The following MDFIC2 variants were observed in gnomAD, a reference collection of about 807,000 sequenced individuals.
MDFIC2 encodes MyoD family inhibitor domain containing 2.
At position 70,196,615 on chromosome 3, in the gene MDFIC2, G is replaced by A. The variant is rs1701183494; in HGVS notation, c.*311C>T. Among the ~76,000 whole-genome samples the A allele has an allele frequency of 2.0e-5, 3 of 152,106 alleles. No homozygotes were observed. Among genetic ancestry groups the A allele is most frequent in the African/African-American group, 4.8e-5 (2 of 41,412 alleles). ...AATGCAAGCTGATGAGTGCAATAACGCAGTGGCTTAACATGCTATTTTATA... is the reference window on the plus strand; with the variant it reads ...AATGCAAGCTGATGAGTGCAATAACACAGTGGCTTAACATGCTATTTTATA... On this transcript the variant is annotated 3_prime_UTR_variant, in exon 4 of 4. Coordinates refer to ENST00000567252, the MANE Select transcript of MDFIC2 (RefSeq NM_001364677.1).
chr3:70,305,235 G>A (rs1164790991), intron 2 of MDFIC2, among the ~76,000 whole-genome samples: 2 of 150,956 alleles, frequency 1.3e-5, no homozygotes, highest in African/African-American at 2.4e-5. Flanking sequence ...TTTTTCCGTC[G>A]GCTATGCTTA....
rs1023822491 is a variant in MDFIC2, at chr3:70,312,413, C to G, written c.-1+138G>C. The G allele has an allele frequency of 3.3e-5, 5 of 152,296 alleles. No homozygotes were observed. The South Asian group carries it at 1.0e-3, about 32-fold the overall frequency. The allele number at this position is 152,296 out of a possible 1,614,324, so 9.4% of individuals were successfully genotyped here. ...GAATTTATTGGGTGGGAATAAGAAC[C>G]TTATGACCTAAACCAGGCCAAGTTG... On this transcript the variant is annotated intron_variant, in intron 1 of 3. Coordinates refer to ENST00000567252, the MANE Select transcript of MDFIC2 (RefSeq NM_001364677.1).
At chr3:70,277,339 G>T (rs1017545872) in intron 2 of MDFIC2, among the ~76,000 whole-genome samples, 1 of 152,030 alleles carries the variant, frequency 6.6e-6, no homozygotes, top group East Asian at 1.9e-4. Context: ...TTATGTAAAC[G>T]GAAATATCTG....
At chr3:70,280,831 G>A (rs1311948360) in intron 2 of MDFIC2, among the ~76,000 whole-genome samples, 1 of 152,024 alleles carries the variant, frequency 6.6e-6, no homozygotes, top group Non-Finnish European at 1.5e-5. Flanking sequence ...TCCCAGAGAC[G>A]GTACTGCCCC....
intron 2 of MDFIC2, among the ~76,000 whole-genome samples, chr3:70,305,598 T>C (rs901234545): frequency 6.6e-6 from 1 of 152,218 alleles, no homozygotes; most frequent in African/African-American, 2.4e-5. Flanking sequence ...GCATCTTTGT[T>C]TCTTTGTCTC....
intron 2 of MDFIC2, among the ~76,000 whole-genome samples, chr3:70,269,033 G>A (rs1459390803): frequency 6.6e-6 from 1 of 152,022 alleles, no homozygotes; most frequent in Non-Finnish European, 1.5e-5. Flanking sequence ...GAATTCTATT[G>A]TGATAGGATA....
chr3:70,275,090 C>G (rs964942834), intron 2 of MDFIC2, among the ~76,000 whole-genome samples: 1 of 152,088 alleles, frequency 6.6e-6, no homozygotes, highest in African/African-American at 2.4e-5. Context: ...TTATAACCTC[C>G]AAACAGAAGT....
At chr3:70,260,400 C>G (rs1292556682) in intron 2 of MDFIC2, among the ~76,000 whole-genome samples, 2 of 152,050 alleles carry the variant, frequency 1.3e-5, no homozygotes, top group African/African-American at 4.8e-5. Flanking sequence ...CTGCAACAAC[C>G]CTATTTCCAA....
intron 2 of MDFIC2, among the ~76,000 whole-genome samples, chr3:70,233,068 G>A (rs1416044120): frequency 2.6e-5 from 4 of 152,074 alleles, no homozygotes; most frequent in African/African-American, 9.7e-5. Context: ...ATGCGCCTGT[G>A]GTCTCAGCTA....
At chr3:70,254,850 T>A (rs940145689) in intron 2 of MDFIC2, among the ~76,000 whole-genome samples, 82 of 152,340 alleles carry the variant, frequency 5.4e-4, no homozygotes, top group African/African-American at 1.9e-3. Flanking sequence ...GCATCCCTTA[T>A]TTCTGTTTAA....
intron 2 of MDFIC2, chr3:70,292,046 G>A: frequency 6.6e-6 from 1 of 152,264 alleles, no homozygotes; most frequent in Admixed American, 6.5e-5. Flanking sequence ...CTTCAAGAAG[G>A]TAAACATGAT....
intron 2 of MDFIC2, among the ~76,000 whole-genome samples, chr3:70,295,366 C>CA (rs1702279565): frequency 6.6e-6 from 1 of 152,102 alleles, no homozygotes; most frequent in South Asian, 2.1e-4. Context: ...TGTGTGATTC[C>CA]AAAAACTCAA....
intron 2 of MDFIC2, among the ~76,000 whole-genome samples, chr3:70,265,787 G>C (rs1464774843): frequency 6.6e-6 from 1 of 152,184 alleles, no homozygotes. Flanking sequence ...TTATAATCAT[G>C]ATGGGAGGCA....
At chr3:70,291,988 A>G (rs1702243690) in intron 2 of MDFIC2, 1 of 152,182 alleles carries the variant, frequency 6.6e-6, no homozygotes, top group South Asian at 2.1e-4. Context: ...AAGCATTTCT[A>G]TCATATACAA....
At chr3:70,232,565 A>AT (rs1701570611) in intron 2 of MDFIC2, among the ~76,000 whole-genome samples, 1 of 151,672 alleles carries the variant, frequency 6.6e-6, no homozygotes, top group Non-Finnish European at 1.5e-5. Flanking sequence ...ACGCCTGGCT[A>AT]TTTTTTGTAT....
intron 2 of MDFIC2, among the ~76,000 whole-genome samples, chr3:70,300,035 C>T (rs1353005913): frequency 3.3e-5 from 5 of 152,100 alleles, no homozygotes; most frequent in African/African-American, 4.8e-5. Context: ...TGTATTGTTA[C>T]TGCCTATTGA....
At chr3:70,237,977 A>ATTTTTTT (rs1251005797) in intron 2 of MDFIC2, among the ~76,000 whole-genome samples, 9 of 12,992 alleles carry the variant, frequency 6.9e-4, no homozygotes, top group African/African-American at 3.0e-3. Context: ...ATTGAGTGGT[A>ATTTTTTT]TCTTTTTTTT....
intron 2 of MDFIC2, among the ~76,000 whole-genome samples, chr3:70,292,634 A>C (rs935436215): frequency 6.6e-6 from 1 of 152,150 alleles, no homozygotes; most frequent in African/African-American, 2.4e-5. Flanking sequence ...TATGAAAAAT[A>C]ACTATTTAAA....
intron 2 of MDFIC2, among the ~76,000 whole-genome samples, chr3:70,253,298 G>A (rs1701786336): frequency 6.6e-6 from 1 of 152,124 alleles, no homozygotes; most frequent in Admixed American, 6.6e-5. Context: ...TTATTTATGG[G>A]GAATGGGAAG....
Sources: allele counts gnomAD v4.1 joint callset (sites outside exome capture counted in the v4.1 genomes callset), GRCh38; gene constraint gnomAD v4.1.1; transcripts MANE v1.5; gene names NCBI Gene and HGNC (gene_info 2026-07-23, HGNC 2026-07-21).